The following KCNIP2 variants were observed in gnomAD, a reference collection of about 807,000 sequenced individuals.
KCNIP2 encodes the protein potassium voltage-gated channel interacting protein 2.
KCNIP2 carries 19 observed loss-of-function variants against 39.0 expected under a neutral mutation model. That is an observed-to-expected ratio of 0.49 (90% CI 0.34 to 0.71). The LOEUF (loss-of-function observed/expected upper bound fraction) is 0.71. Among genes scored for constraint, KCNIP2 ranks in the 30% least tolerant of loss-of-function variants. The pLI, the probability that KCNIP2 is intolerant of heterozygous loss-of-function variation, is 0.01. For missense variants in KCNIP2, 261 were observed against 346.0 expected (o/e 0.75, Z 1.95); for synonymous variants, 111 against 131.2 (o/e 0.85, Z 1.05).
In KCNIP2 at chr10:101,827,339, C is replaced by A. The variant is rs2065775049; in HGVS notation, c.*14G>T. 1 of 1,596,222 alleles carries A rather than the reference C, an allele frequency of 6.3e-7. No homozygotes were observed. Among genetic ancestry groups the A allele is most frequent in the Non-Finnish European group, 8.6e-7 (1 of 1,167,652 alleles). On this transcript the variant is annotated 3_prime_UTR_variant, in exon 10 of 10. Transcript: ENST00000356640. ...ATGGTCCCCCCAGGAAACACTGACC[C>A]CCTCTCCTGGGGGCTAGATGACATT...
At chr10:101,830,533 G>A in intron 2 of KCNIP2, 1 of 1,103,804 alleles carries the variant, frequency 9.1e-7, no homozygotes, top group Non-Finnish European at 1.2e-6. Flanking sequence ...ACACTCTCGG[G>A]TCCCACAGTT....
At chr10:101,827,797 G>C (rs1564659839) in intron 8 of KCNIP2, 46 bp from the exon 9 acceptor site, 3 of 1,549,038 alleles carry the variant, frequency 1.9e-6, no homozygotes, top group East Asian at 4.5e-5. Flanking sequence ...GATGGCAAGA[G>C]AGAGGCAGAC....
chr10:101,829,924 A>G (rs1483547554), intron 2 of KCNIP2, 27 bp from the exon 3 acceptor site: 2 of 1,542,004 alleles, frequency 1.3e-6, no homozygotes, highest in East Asian at 2.5e-5. Flanking sequence ...GTCACCGAGA[A>G]AGCGGAAGAC....
At chr10:101,842,817 C>T (rs190831983) in intron 1 of KCNIP2, among the ~76,000 whole-genome samples, 17 of 152,308 alleles carry the variant, frequency 1.1e-4, no homozygotes, top group Admixed American at 3.3e-4. Context: ...GCAGACATCA[C>T]CACATGAAAG....
intron 2 of KCNIP2, 155 bp from the exon 3 acceptor site, chr10:101,830,052 A>G (rs976696910): frequency 1.2e-5 from 10 of 850,450 alleles, no homozygotes; most frequent in African/African-American, 1.8e-5. Context: ...CCATGCACAC[A>G]AGCTTGCGGG....
At position 101,826,108 on chromosome 10, in the gene KCNIP2, T is replaced by C. The variant is rs2065743059; in HGVS notation, c.*1245A>G. The C allele has an allele frequency of 6.6e-6, 1 of 152,650 alleles. No homozygotes were observed. The highest frequency in any genetic ancestry group is 2.4e-5 in the African/African-American group (1 of 41,436). 9.5% of individuals were successfully genotyped at this position (152,650 alleles called of 1,614,324 possible). On this transcript the variant is annotated 3_prime_UTR_variant, in exon 10 of 10. Coordinates refer to ENST00000356640, the MANE Select transcript of KCNIP2 (RefSeq NM_173191.3). ...CTCTGGGGGCTCTCCCCTCAGATTCTGGCCAACTGGGAGGGTAAGCTAAAT... is the reference window on the plus strand; with the variant it reads ...CTCTGGGGGCTCTCCCCTCAGATTCCGGCCAACTGGGAGGGTAAGCTAAAT...
Position 101,838,175 on chromosome 10 carries a change from G to C in KCNIP2, c.73+5321C>G, listed in dbSNP as rs191829320. On this transcript the variant is annotated intron_variant, in intron 1 of 9. Transcript: ENST00000356640. The surrounding 1 kb of genome is among the most constrained non-coding windows in gnomAD (Gnocchi z 4.0). ...AGATCCATCCTCCCCAAGCATCCCT[G>C]TGCCACGAATTTAGCTCTTCACTCA... Among the ~76,000 whole-genome samples, 1 of 152,292 alleles carries C rather than the reference G, an allele frequency of 6.6e-6. No homozygotes were observed. The highest frequency in any genetic ancestry group is 2.4e-5 in the African/African-American group (1 of 41,574).
intron 1 of KCNIP2, among the ~76,000 whole-genome samples, chr10:101,841,963 T>C (rs949851287): frequency 3.3e-5 from 5 of 152,228 alleles, no homozygotes; most frequent in Admixed American, 1.3e-4. Flanking sequence ...GAGGCACATC[T>C]GGCATGGTCT....
chr10:101,836,736 G>A (rs2066173994), intron 1 of KCNIP2, among the ~76,000 whole-genome samples: 1 of 152,144 alleles, frequency 6.6e-6, no homozygotes, highest in Non-Finnish European at 1.5e-5. Flanking sequence ...GTCGAGGCAG[G>A]TGGATCACGA....
At chr10:101,839,954 G>C in intron 1 of KCNIP2, 1 of 961,524 alleles carries the variant, frequency 1.0e-6, no homozygotes, top group Non-Finnish European at 1.5e-6. Context: ...GGCCCGGCAG[G>C]CATAGGATCG....
chr10:101,831,381 G>A (rs753908080), intron 1 of KCNIP2, among the ~76,000 whole-genome samples: 10 of 152,172 alleles, frequency 6.6e-5, no homozygotes, highest in Non-Finnish European at 1.2e-4. Context: ...TTAATGGGAC[G>A]TGGCCGGTGA....
chr10:101,839,705 G>T, intron 1 of KCNIP2: 4 of 1,565,522 alleles, frequency 2.6e-6, no homozygotes, highest in Non-Finnish European at 2.6e-6. Context: ...AACCCACTTC[G>T]CTCACTTTTT....
At position 101,828,309 on chromosome 10, in the gene KCNIP2, T is replaced by C. The variant is rs765864643; in HGVS notation, c.490-51A>G. 2 of 1,610,066 alleles carry C rather than the reference T, an allele frequency of 1.2e-6. No homozygotes were observed. The highest frequency in any genetic ancestry group is 1.7e-5 in the Admixed American group (1 of 60,022). ...TGTCCTCGGGTACTCTTCACCCAAC[T>C]CCTTCTCTGGGTTTGGCCTGGAGAT... On this transcript the variant is annotated intron_variant, in intron 6 of 9. Transcript: ENST00000356640. This position sits in a 1 kb window ranked among gnomAD's most constrained non-coding sequence, Gnocchi z 6.6.
intron 1 of KCNIP2, among the ~76,000 whole-genome samples, chr10:101,832,834 C>A (rs1281361774): frequency 6.6e-6 from 1 of 152,160 alleles, no homozygotes; most frequent in African/African-American, 2.4e-5. Context: ...CTGCCTTCAG[C>A]CCAAGACTCC....
chr10:101,831,001 G>A (rs1194760296), intron 2 of KCNIP2, 71 bp downstream of exon 2: 14 of 1,330,758 alleles, frequency 1.1e-5, no homozygotes, highest in Non-Finnish European at 1.3e-5. Flanking sequence ...GGGCACACGC[G>A]CACACACTCA....
chr10:101,840,550 A>C (rs773772721), intron 1 of KCNIP2, among the ~76,000 whole-genome samples: 20,747 of 94,020 alleles, frequency 0.22, 3 homozygotes, highest in African/African-American at 0.23. Flanking sequence ...CCCCCCCCGC[A>C]CCCCCCCCCC....
chr10:101,827,752 C>CT lies in KCNIP2; in HGVS notation c.703-2dup. On this transcript the variant is annotated splice_acceptor_variant, in intron 8 of 9. Transcript: ENST00000356640. LOFTEE classifies it high-confidence loss of function. ...CACCATCCTTGTTTCTGTCCATCTTCTGCAAGAAGGTGGTCAGGCAGGGAG... is the reference window on the plus strand; with the variant it reads ...CACCATCCTTGTTTCTGTCCATCTTCTTGCAAGAAGGTGGTCAGGCAGGGAG... The CT allele has an allele frequency of 6.2e-7, 1 of 1,611,630 alleles. No individual in the cohort carries two copies. Among genetic ancestry groups the CT allele is most frequent in the Non-Finnish European group, 8.5e-7 (1 of 1,177,694 alleles).
chr10:101,840,063 G>T (rs988625917), intron 1 of KCNIP2, among the ~76,000 whole-genome samples: 13 of 151,818 alleles, frequency 8.6e-5, no homozygotes, highest in Non-Finnish European at 1.6e-4. Context: ...TGGACGGGGG[G>T]GGGGGGTGGC....
chr10:101,839,921 CGCGTGGGCG>C (rs2066275345), intron 1 of KCNIP2: 1 of 1,406,612 alleles, frequency 7.1e-7, no homozygotes. Flanking sequence ...CGGGTAGGCC[CGCGTGGGCG>C]GCGCGGGAGG....
Sources: gnomAD v4.1 joint callset for allele counts (sites outside exome capture counted in the v4.1 genomes callset) on GRCh38, gnomAD v4.1.1 for gene constraint, Gnocchi (gnomAD v3.1) non-coding constraint, MANE v1.5 for transcripts, NCBI Gene and HGNC (gene_info 2026-07-23, HGNC 2026-07-21) for gene names.